Variants in SLC35F1 observed in about 807,000 individuals in gnomAD.
SLC35F1 encodes the protein chromosome 6 open reading frame 169.
SLC35F1 carries 14 observed loss-of-function variants against 48.7 expected under a neutral mutation model. The observed-to-expected ratio is 0.29, with a 90% CI of 0.19 to 0.45. SLC35F1 has a LOEUF of 0.45. SLC35F1 is among the 20% of genes least tolerant of loss of function. The pLI is 1.00. For synonymous variants in SLC35F1, 190 were observed against 202.2 expected (o/e 0.94, Z 0.51); for missense variants, 404 against 500.0 (o/e 0.81, Z 1.83).
chr6:118,221,809 GT>G (rs1179401702), intron 2 of SLC35F1, among the ~76,000 whole-genome samples: 3 of 152,100 alleles, frequency 2.0e-5, no homozygotes, highest in Non-Finnish European at 4.4e-5. Context: ...AGTCTCAGAT[GT>G]TATATCATTT....
chr6:118,014,868 G>C (rs112604785), intron 1 of SLC35F1, among the ~76,000 whole-genome samples: 88 of 152,262 alleles, frequency 5.8e-4, no homozygotes, highest in African/African-American at 2.0e-3. Context: ...CACCTATATG[G>C]GCTGGCAGGT....
chr6:118,177,848 T>C (rs1774514593), intron 2 of SLC35F1, among the ~76,000 whole-genome samples: 1 of 152,094 alleles, frequency 6.6e-6, no homozygotes, highest in Non-Finnish European at 1.5e-5. Context: ...TACTCAGGAA[T>C]GTTTTCCATT....
intron 2 of SLC35F1, among the ~76,000 whole-genome samples, chr6:118,195,170 C>A (rs1774784634): frequency 6.6e-6 from 1 of 152,192 alleles, no homozygotes. Context: ...CAAACTTATC[C>A]TTTACTCAGG....
chr6:118,014,552 T>G (rs1267723763), intron 1 of SLC35F1, among the ~76,000 whole-genome samples: 1 of 152,168 alleles, frequency 6.6e-6, no homozygotes, highest in East Asian at 1.9e-4. Flanking sequence ...CTACAACTCT[T>G]TAAAACCCAA....
intron 2 of SLC35F1, among the ~76,000 whole-genome samples, chr6:118,225,571 G>A (rs756201761): frequency 6.6e-5 from 10 of 152,176 alleles, no homozygotes; most frequent in Non-Finnish European, 1.2e-4. Context: ...ATTCCAGGAC[G>A]TTGCTCTAGG....
rs746786201 is a variant in SLC35F1, at chr6:117,907,741, G to A, written c.15G>A (p.Glu5=). 2.6e-6 allele frequency: 4 copies of A among 1,544,628 alleles called. No homozygotes were observed. The highest frequency in any genetic ancestry group is 3.5e-6 in the Non-Finnish European group (4 of 1,153,024). MIPP[E]QPQQQLQPPS... ...CCTCTGCCGCGATGATCCCCCCTGA[G>A]CAGCCGCAGCAGCAGCTGCAGCCGC... The change falls in exon 1 of 8, where the codon GAG becomes GAA. Residue 5 remains glutamate (E), a synonymous_variant. Coordinates refer to ENST00000360388, the MANE Select transcript of SLC35F1 (RefSeq NM_001029858.4).
chr6:118,156,190 A>G (rs1774137591), intron 2 of SLC35F1, among the ~76,000 whole-genome samples: 1 of 151,982 alleles, frequency 6.6e-6, no homozygotes, highest in Non-Finnish European at 1.5e-5. Flanking sequence ...TGCGATTTGG[A>G]AGCTAATAGT....
rs141851112 is a variant in SLC35F1 at position 118,162,205 on chromosome 6, C to T, written c.349+7585C>T. On this transcript the variant is annotated intron_variant, in intron 2 of 7. Transcript: ENST00000360388. ...AATAAAAAGAAATAAGCTACTGATA[C>T]GTATAATAGTATGGGTTAATCTCAA... Among the ~76,000 whole-genome samples the T allele has an allele frequency of 7.8e-4, 119 of 152,206 alleles. 1 individual carries two copies. The highest frequency in any genetic ancestry group is 2.8e-3 in the African/African-American group (116 of 41,514).
At chr6:117,967,220 G>C (rs1045046698) in intron 1 of SLC35F1, among the ~76,000 whole-genome samples, 1 of 151,696 alleles carries the variant, frequency 6.6e-6, no homozygotes, top group African/African-American at 2.4e-5. Context: ...AGAATGAAAG[G>C]AAAAATTAAC....
chr6:117,937,295 G>C (rs1776173859), intron 1 of SLC35F1, among the ~76,000 whole-genome samples: 1 of 152,188 alleles, frequency 6.6e-6, no homozygotes, highest in African/African-American at 2.4e-5. Context: ...GAATCAGGAA[G>C]GAAGGCAGCG....
intron 3 of SLC35F1, among the ~76,000 whole-genome samples, chr6:118,259,601 C>G (rs369733194): frequency 6.6e-6 from 1 of 151,162 alleles, no homozygotes; most frequent in Non-Finnish European, 1.5e-5. Flanking sequence ...ACAAAAATGG[C>G]CAATAAGCAT....
At chr6:118,221,887 G>A (rs1013911270) in intron 2 of SLC35F1, among the ~76,000 whole-genome samples, 15 of 152,080 alleles carry the variant, frequency 9.9e-5, no homozygotes, top group African/African-American at 3.6e-4. Context: ...ACAATGCCAT[G>A]ATCACATGTA....
chr6:118,205,107 T>C (rs1469972560), intron 2 of SLC35F1, among the ~76,000 whole-genome samples: 1 of 152,210 alleles, frequency 6.6e-6, no homozygotes, highest in Non-Finnish European at 1.5e-5. Flanking sequence ...GATGCAGCTC[T>C]GCCTGCCCTC....
chr6:117,984,612 G>A (rs1305792294), intron 1 of SLC35F1, among the ~76,000 whole-genome samples: 2 of 152,104 alleles, frequency 1.3e-5, no homozygotes, highest in Non-Finnish European at 2.9e-5. Flanking sequence ...TTCATTTATG[G>A]ATTCTCTGTG....
chr6:118,071,655 A>G (rs1295915422), intron 1 of SLC35F1, among the ~76,000 whole-genome samples: 1 of 152,136 alleles, frequency 6.6e-6, no homozygotes, highest in Non-Finnish European at 1.5e-5. Context: ...CATGGCTGCA[A>G]ATCTGTTTAT....
chr6:118,221,121 A>G (rs1225801938), intron 2 of SLC35F1, among the ~76,000 whole-genome samples: 4 of 152,246 alleles, frequency 2.6e-5, no homozygotes, highest in Non-Finnish European at 5.9e-5. Flanking sequence ...CCTTATTATT[A>G]TCTACCTAAC....
At chr6:117,971,093 G>T (rs1339187007) in intron 1 of SLC35F1, among the ~76,000 whole-genome samples, 1 of 152,150 alleles carries the variant, frequency 6.6e-6, no homozygotes, top group African/African-American at 2.4e-5. Context: ...AAAATCAAAA[G>T]CAAGTTAGTT....
intron 1 of SLC35F1, among the ~76,000 whole-genome samples, chr6:118,080,752 A>G (rs1029622663): frequency 2.0e-5 from 3 of 152,180 alleles, no homozygotes; most frequent in Admixed American, 6.5e-5. Flanking sequence ...TAGTGGCTAC[A>G]GAGCTAAAAT....
chr6:118,087,050 G>A (rs1044265898), intron 1 of SLC35F1, among the ~76,000 whole-genome samples: 1 of 152,152 alleles, frequency 6.6e-6, no homozygotes, highest in Non-Finnish European at 1.5e-5. Context: ...CTGGGGCCCT[G>A]TATTGCCTTG....
Sources: allele counts gnomAD v4.1 joint callset (sites outside exome capture counted in the v4.1 genomes callset), GRCh38; gene constraint gnomAD v4.1.1; transcripts MANE v1.5; gene names NCBI Gene and HGNC (gene_info 2026-07-23, HGNC 2026-07-21).